Variants in MAPT observed in about 807,000 individuals in gnomAD.
MAPT encodes microtubule associated protein tau, also known as microtubule-associated protein tau.
In MAPT, 34 loss-of-function variants were observed where a neutral mutation model predicts 67.9. That is an observed-to-expected ratio of 0.50 (90% CI 0.38 to 0.67). MAPT has a LOEUF of 0.67. Ranked by LOEUF, MAPT falls within the 30% of genes least tolerant of loss-of-function variation. The pLI, the probability that MAPT is intolerant of heterozygous loss-of-function variation, is 0.00. For synonymous variants in MAPT, 456 were observed against 464.5 expected (o/e 0.98, Z 0.23); for missense variants, 881 against 1,115.2 (o/e 0.79, Z 2.99).
intron 1 of MAPT, among the ~76,000 whole-genome samples, chr17:45,900,010 C>G (rs2063513765): frequency 6.6e-6 from 1 of 152,114 alleles, no homozygotes; most frequent in South Asian, 2.1e-4. Flanking sequence ...TTAGGGACAT[C>G]AGATCCCCAG....
At chr17:45,972,560 A>G (rs9895148) in intron 3 of MAPT, among the ~76,000 whole-genome samples, 2,930 of 152,284 alleles carry the variant, frequency 0.019, 103 homozygotes, top group African/African-American at 0.067. Context: ...AGAAACAGAA[A>G]CCCCAACTAA....
chr17:45,951,836 C>T (rs577484411), intron 1 of MAPT, among the ~76,000 whole-genome samples: 1 of 152,162 alleles, frequency 6.6e-6, no homozygotes, highest in African/African-American at 2.4e-5. Flanking sequence ...GTGTTCCTTA[C>T]CTCCCACCCC....
chr17:45,967,241 C>G (rs2071177534), intron 2 of MAPT, among the ~76,000 whole-genome samples: 1 of 152,164 alleles, frequency 6.6e-6, no homozygotes, highest in African/African-American at 2.4e-5. Flanking sequence ...ACTTGTTATG[C>G]CTTCCAGATA....
At chr17:45,950,753 C>G (rs2068985077) in intron 1 of MAPT, among the ~76,000 whole-genome samples, 1 of 152,126 alleles carries the variant, frequency 6.6e-6, no homozygotes, top group Non-Finnish European at 1.5e-5. Flanking sequence ...ACCTCTCCCT[C>G]CTGGGTTCAA....
At chr17:46,006,864 A>G (rs2075465141) in intron 9 of MAPT, among the ~76,000 whole-genome samples, 2 of 152,064 alleles carry the variant, frequency 1.3e-5, no homozygotes, top group Admixed American at 6.5e-5. Context: ...CGGAGCTTGC[A>G]GTGAGCCGAG....
At chr17:45,924,347 T>C (rs1298184524) in intron 1 of MAPT, among the ~76,000 whole-genome samples, 1 of 152,206 alleles carries the variant, frequency 6.6e-6, no homozygotes, top group Admixed American at 6.5e-5. Context: ...GCTCTTTTGC[T>C]CAGTTCCTCA....
chr17:45,952,144 TGATG>T (rs540404471), intron 1 of MAPT, among the ~76,000 whole-genome samples: 21,769 of 152,204 alleles, frequency 0.14, 2,113 homozygotes, highest in Non-Finnish European at 0.22. Context: ...GCATGCTTAT[TGATG>T]TGTTTTTCAA....
chr17:46,010,688 T>G lies in MAPT; in HGVS notation c.2091+286T>G, dbSNP rs2075766935. On this transcript the variant is annotated intron_variant, in intron 10 of 12. Transcript: ENST00000262410. The surrounding 1 kb of genome is among the most constrained non-coding windows in gnomAD (Gnocchi z 4.7). ...AGAATAGGGCAGATGACGGACCCTC[T>G]CTCCGGACCCTGCCTGGGAAGCTGA... Among the ~76,000 whole-genome samples, 1 of 152,118 alleles carries G rather than the reference T, an allele frequency of 6.6e-6. No homozygotes were observed. Among genetic ancestry groups the G allele is most frequent in the South Asian group, 2.1e-4 (1 of 4,824 alleles).
At chr17:45,962,740 A>G (rs1322076517) in intron 2 of MAPT, among the ~76,000 whole-genome samples, 1 of 152,182 alleles carries the variant, frequency 6.6e-6, no homozygotes, top group East Asian at 1.9e-4. Flanking sequence ...GGCCTGGGCA[A>G]CATAGCAAGA....
chr17:45,974,234 G>T, intron 3 of MAPT: 1 of 676,760 alleles, frequency 1.5e-6, no homozygotes, highest in Non-Finnish European at 2.7e-6. Context: ...GGTAGCAGGG[G>T]CTCCGGGCCC....
chr17:46,008,192 G>A (rs1287879925), intron 9 of MAPT, among the ~76,000 whole-genome samples: 1 of 152,180 alleles, frequency 6.6e-6, no homozygotes, highest in African/African-American at 2.4e-5. Flanking sequence ...CATCTCCCGG[G>A]TTCAAGCTAT....
At chr17:45,905,513 A>G (rs1417895279) in intron 1 of MAPT, among the ~76,000 whole-genome samples, 1 of 152,202 alleles carries the variant, frequency 6.6e-6, no homozygotes, top group Non-Finnish European at 1.5e-5. Context: ...AATCAGTAGG[A>G]TTCATAAGTT....
chr17:45,965,246 A>G (rs1445751389), intron 2 of MAPT, among the ~76,000 whole-genome samples: 4 of 151,860 alleles, frequency 2.6e-5, no homozygotes, highest in South Asian at 2.1e-4. Context: ...CCTGGCCAAC[A>G]TGGTGAAACC....
In MAPT at chr17:46,003,099, C is replaced by CGTGTGTGT. The variant is rs72293848; in HGVS notation, c.1998+6451_1998+6458dup. Among the ~76,000 whole-genome samples, 695 of 145,366 alleles carry CGTGTGTGT rather than the reference C, an allele frequency of 4.8e-3. 6 individuals carry two copies. The highest frequency in any genetic ancestry group is 7.4e-3 in the Middle Eastern group (2 of 272). On this transcript the variant is annotated intron_variant, in intron 9 of 12. Transcript: ENST00000262410. The stretch of plus-strand genomic sequence containing the variant: ...ATGCCCGACCTTCTCTTTTTAAGGG[C>CGTGTGTGT]GTGTGTGTGTGTGTGTGTGTGTGGG...
At chr17:45,914,343 G>C (rs1422458265) in intron 1 of MAPT, among the ~76,000 whole-genome samples, 1 of 152,036 alleles carries the variant, frequency 6.6e-6, no homozygotes. Context: ...TATGTGAGCA[G>C]AGGCATCCAT....
chr17:46,011,970 C>G (rs1420822795), intron 10 of MAPT, among the ~76,000 whole-genome samples: 1 of 152,208 alleles, frequency 6.6e-6, no homozygotes, highest in Non-Finnish European at 1.5e-5. Context: ...GTCTCCCACG[C>G]CCTGCTCTCC....
intron 4 of MAPT, among the ~76,000 whole-genome samples, chr17:45,982,339 TGGGGGGC>T (rs2073058537): frequency 2.6e-5 from 1 of 38,350 alleles, no homozygotes; most frequent in South Asian, 1.2e-3. Context: ...AAAAAAGGGG[TGGGGGGC>T]GGGGGCAGGA....
chr17:45,989,561 G>T (rs988034386), intron 6 of MAPT, among the ~76,000 whole-genome samples: 1 of 152,240 alleles, frequency 6.6e-6, no homozygotes, highest in Non-Finnish European at 1.5e-5. Flanking sequence ...TGAGGCAGGA[G>T]AATGGCGTGA....
At chr17:45,967,240 G>A (rs926422378) in intron 2 of MAPT, among the ~76,000 whole-genome samples, 2 of 152,188 alleles carry the variant, frequency 1.3e-5, no homozygotes, top group African/African-American at 2.4e-5. Context: ...AACTTGTTAT[G>A]CCTTCCAGAT....
Sources: allele counts gnomAD v4.1 joint callset (sites outside exome capture counted in the v4.1 genomes callset), GRCh38; gene constraint gnomAD v4.1.1; non-coding constraint Gnocchi (gnomAD v3.1); transcripts MANE v1.5; gene names NCBI Gene and HGNC (gene_info 2026-07-23, HGNC 2026-07-21).